The following CACNA2D3 variants were observed in gnomAD, a reference collection of about 807,000 sequenced individuals.
CACNA2D3 encodes the protein voltage-dependent calcium channel subunit alpha-2/delta-3.
In CACNA2D3, 60 loss-of-function variants were observed where a neutral mutation model predicts 160.6. The ratio of observed to expected loss-of-function variants is 0.37; its 90% CI spans 0.30 to 0.46. The LOEUF is 0.46. CACNA2D3 is among the 20% of genes least tolerant of loss of function. The pLI is 1.00. For synonymous variants in CACNA2D3, 558 were observed against 492.9 expected (o/e 1.13, Z -1.75); for missense variants, 1,205 against 1,365.0 (o/e 0.88, Z 1.85).
At chr3:54,636,728 T>A (rs1699381319) in intron 10 of CACNA2D3, among the ~76,000 whole-genome samples, 1 of 151,786 alleles carries the variant, frequency 6.6e-6, no homozygotes, top group African/African-American at 2.4e-5. Flanking sequence ...GGATTGAGGT[T>A]TGGGAGATTA....
chr3:54,201,846 A>G (rs138592824), intron 2 of CACNA2D3, among the ~76,000 whole-genome samples: 1 of 152,236 alleles, frequency 6.6e-6, no homozygotes, highest in African/African-American at 2.4e-5. Flanking sequence ...AACTCATCCC[A>G]GCAATTCCTG....
chr3:54,515,891 C>G (rs927360312), intron 5 of CACNA2D3, among the ~76,000 whole-genome samples: 4 of 152,206 alleles, frequency 2.6e-5, no homozygotes, highest in African/African-American at 7.2e-5. Context: ...CATTTGTTCT[C>G]TCACTGACAG....
chr3:54,508,376 A>G (rs980482179), intron 5 of CACNA2D3, among the ~76,000 whole-genome samples: 6 of 152,202 alleles, frequency 3.9e-5, no homozygotes, highest in African/African-American at 1.4e-4. Context: ...GAGAAAATCC[A>G]GAGAAGAACA....
At position 54,388,094 on chromosome 3, in the gene CACNA2D3, G is replaced by A. The variant is rs145942909; in HGVS notation, c.381+1320G>A. Among the ~76,000 whole-genome samples, 363 of 152,302 alleles carry A rather than the reference G, an allele frequency of 2.4e-3. 3 individuals carry two copies. The highest frequency in any genetic ancestry group is 7.9e-3 in the African/African-American group (330 of 41,574). On this transcript the variant is annotated intron_variant, in intron 4 of 37. Transcript: ENST00000474759. Reference sequence around the variant, plus strand: ...TTTTCAAATGTATACTCGGGGTTAAGTGAAACCAACATGCAGTGGTGTTCA... The same window carrying A: ...TTTTCAAATGTATACTCGGGGTTAAATGAAACCAACATGCAGTGGTGTTCA...
chr3:54,621,256 C>G (rs1698982124), intron 9 of CACNA2D3, among the ~76,000 whole-genome samples: 1 of 152,210 alleles, frequency 6.6e-6, no homozygotes, highest in Non-Finnish European at 1.5e-5. Context: ...GCTGTGATCA[C>G]AGAGAGTCAT....
chr3:54,796,690 G>A lies in CACNA2D3; in HGVS notation c.1381-20163G>A, dbSNP rs146584185. ...AATCAGGAGCATCTCACAGAGGACT[G>A]TCTGTCTCCCACAGCTCACACCTCT... On this transcript the variant is annotated intron_variant, in intron 13 of 37. Transcript: ENST00000474759. 1.6e-3 allele frequency among the ~76,000 whole-genome samples: 237 copies of A among 152,320 alleles called. 1 individual carries two copies. Among genetic ancestry groups the A allele is most frequent in the African/African-American group, 5.2e-3 (218 of 41,568 alleles).
At chr3:54,518,731 A>T (rs1302871388) in intron 5 of CACNA2D3, among the ~76,000 whole-genome samples, 2 of 147,654 alleles carry the variant, frequency 1.4e-5, no homozygotes, top group African/African-American at 5.0e-5. Flanking sequence ...CTGTCAAGAT[A>T]TGAAATATCT....
At chr3:54,671,786 A>C (rs1412026027) in intron 11 of CACNA2D3, among the ~76,000 whole-genome samples, 1 of 152,158 alleles carries the variant, frequency 6.6e-6, no homozygotes, top group African/African-American at 2.4e-5. Context: ...TGCTGCTTGC[A>C]AATTGGGAGG....
intron 29 of CACNA2D3, among the ~76,000 whole-genome samples, chr3:54,980,876 C>A (rs1246618539): frequency 6.6e-6 from 1 of 152,158 alleles, no homozygotes; most frequent in Non-Finnish European, 1.5e-5. Context: ...TATCAATAAT[C>A]TTTAAAACTA....
At chr3:54,565,096 C>G (rs1196990006) in intron 6 of CACNA2D3, among the ~76,000 whole-genome samples, 1 of 152,084 alleles carries the variant, frequency 6.6e-6, no homozygotes, top group Non-Finnish European at 1.5e-5. Flanking sequence ...GATGAAAGTC[C>G]AAGAATTAGC....
intron 35 of CACNA2D3, among the ~76,000 whole-genome samples, chr3:55,034,550 T>C (rs1049726805): frequency 2.6e-5 from 4 of 152,050 alleles, no homozygotes; most frequent in Admixed American, 2.6e-4. Context: ...CTTATGGTAG[T>C]GTTAGAGAAT....
At chr3:54,927,791 C>G (rs2106948039) in intron 27 of CACNA2D3, 4 of 1,107,932 alleles carry the variant, frequency 3.6e-6, no homozygotes, top group Non-Finnish European at 5.5e-6. Flanking sequence ...TCATATCTGT[C>G]CAGTCTTTTA....
intron 4 of CACNA2D3, among the ~76,000 whole-genome samples, chr3:54,464,584 CG>C (rs1700577673): frequency 6.6e-6 from 1 of 152,190 alleles, no homozygotes; most frequent in African/African-American, 2.4e-5. Flanking sequence ...GAGCCAAGTG[CG>C]GGATATAATC....
intron 3 of CACNA2D3, among the ~76,000 whole-genome samples, chr3:54,325,357 A>C (rs1032958052): frequency 3.3e-5 from 5 of 152,234 alleles, no homozygotes; most frequent in Non-Finnish European, 7.3e-5. Context: ...AAACCAGGAA[A>C]TGACAAAAAG....
intron 27 of CACNA2D3, among the ~76,000 whole-genome samples, chr3:54,930,371 A>G (rs772578857): frequency 4.6e-5 from 7 of 152,238 alleles, no homozygotes; most frequent in African/African-American, 1.7e-4. Flanking sequence ...CTGGTCAAAA[A>G]GCATAAATGG....
chr3:54,601,034 C>T (rs1485779416), intron 9 of CACNA2D3, among the ~76,000 whole-genome samples: 1 of 152,146 alleles, frequency 6.6e-6, no homozygotes, highest in Non-Finnish European at 1.5e-5. Context: ...TAACCAAGAC[C>T]ACAGTCTTGC....
chr3:54,330,584 A>G (rs1182961011), intron 3 of CACNA2D3, among the ~76,000 whole-genome samples: 6 of 152,168 alleles, frequency 3.9e-5, no homozygotes, highest in Non-Finnish European at 7.3e-5. Flanking sequence ...TAAAAACTCT[A>G]GGCTGGGCAA....
At chr3:54,730,542 G>A (rs181019878) in intron 11 of CACNA2D3, among the ~76,000 whole-genome samples, 3 of 151,980 alleles carry the variant, frequency 2.0e-5, no homozygotes, top group East Asian at 3.9e-4. Context: ...TCGCTCTGTC[G>A]CCCAGGCTGG....
At position 55,007,803 on chromosome 3, in the gene CACNA2D3, T is replaced by G; in HGVS notation, c.2780T>G (p.Phe927Cys). 6.4e-7 allele frequency: 1 copy of G among 1,560,430 alleles called. No individual in the cohort carries two copies. Among genetic ancestry groups the G allele is most frequent in the Non-Finnish European group, 8.6e-7 (1 of 1,156,174 alleles). The stretch of plus-strand genomic sequence containing the variant: ...TCTTCTCTTCAGCCTTATAATGCCT[T>G]CCTCTCTGCAGTAAAATGGATCATG... Reference protein sequence around the residue: ...AHGLLDPYNAFLSAVKWIMTE... With the variant: ...AHGLLDPYNACLSAVKWIMTE... The change falls in exon 33 of 38, where the codon TTC (phenylalanine) becomes TGC (cysteine). Residue 927 changes from phenylalanine to cysteine, a missense_variant. Phe to Cys is a radical substitution (Grantham distance 205). Coordinates refer to ENST00000474759, the MANE Select transcript of CACNA2D3 (RefSeq NM_018398.3).
Sources: gnomAD v4.1 joint callset for allele counts (sites outside exome capture counted in the v4.1 genomes callset) on GRCh38, gnomAD v4.1.1 for gene constraint, MANE v1.5 for transcripts, NCBI Gene and HGNC (gene_info 2026-07-23, HGNC 2026-07-21) for gene names.